Variants in ADAT1 observed in about 807,000 individuals in gnomAD.
The protein encoded by ADAT1 is tRNA-specific adenosine deaminase 1.
A neutral mutation model predicts 58.6 loss-of-function variants in ADAT1; 58 were observed. The observed-to-expected ratio is 0.99, with a 90% CI of 0.80 to 1.23. The LOEUF is 1.23. Among genes scored for constraint, ADAT1 ranks in the 50% most tolerant of loss-of-function variants. ADAT1 has a pLI of 0.00. For missense variants in ADAT1, 741 were observed against 608.6 expected (o/e 1.22, Z -2.29); for synonymous variants, 254 against 220.8 (o/e 1.15, Z -1.33).
chr16:75,618,962 A>AAAATGTCTCTAGACATTGCG (rs2081838962), intron 3 of ADAT1, among the ~76,000 whole-genome samples: 1 of 152,222 alleles, frequency 6.6e-6, no homozygotes. Flanking sequence ...GTGACAACTA[A>AAAATGTCTCTAGACATTGCG]AAATGTCTCT....
At chr16:75,601,200 C>T (rs1034399840) in intron 9 of ADAT1, among the ~76,000 whole-genome samples, 1 of 151,820 alleles carries the variant, frequency 6.6e-6, no homozygotes, top group Non-Finnish European at 1.5e-5. Flanking sequence ...ATTAGCCGGG[C>T]GTGGTGGCAG....
chr16:75,613,051 A>G (rs1406456961), intron 5 of ADAT1, among the ~76,000 whole-genome samples, 190 bp from the exon 6 acceptor site: 6 of 152,106 alleles, frequency 3.9e-5, no homozygotes, highest in Non-Finnish European at 8.8e-5. Context: ...ATTCTGATGC[A>G]AGCTCAAGTT....
In ADAT1 at chr16:75,612,974, A is replaced by G. The variant is rs1193374004; in HGVS notation, c.425-113T>C. On this transcript the variant is annotated intron_variant, in intron 5 of 9. Transcript: ENST00000564657. Reference sequence around the variant, plus strand: ...AATGCAAACTCTTGGGACCCACAGTAGACCTGCTGAATCAGAAACTCCGGA... The same window carrying G: ...AATGCAAACTCTTGGGACCCACAGTGGACCTGCTGAATCAGAAACTCCGGA... 3.8e-6 allele frequency: 5 copies of G among 1,314,264 alleles called. No homozygotes were observed. The East Asian group carries it at 1.2e-4, about 32-fold the overall frequency. 81.4% of individuals were successfully genotyped at this position (1,314,264 alleles called of 1,614,324 possible).
rs1321610496 is a variant in ADAT1, at chr16:75,618,508, C to G, written c.293+78G>C. The G allele has an allele frequency of 2.9e-5, 26 of 905,794 alleles. No homozygotes were observed. The East Asian group carries it at 3.7e-4, about 13-fold the overall frequency. 56.1% of individuals were successfully genotyped at this position (905,794 alleles called of 1,614,324 possible). A position where few individuals can be genotyped will look rare whatever the true frequency, so the allele number is the denominator to read the frequency against. Reference sequence around the variant, plus strand: ...GCAACAGAGCAAGACTCTGTCCCCCCCAAAAAAAAAAAAAAAAGTAAATTC... The same window carrying G: ...GCAACAGAGCAAGACTCTGTCCCCCGCAAAAAAAAAAAAAAAAGTAAATTC... On this transcript the variant is annotated intron_variant, in intron 4 of 9. Coordinates refer to ENST00000564657, the MANE Select transcript of ADAT1 (RefSeq NM_001324445.2).
chr16:75,608,362 T>C (rs546109706), intron 7 of ADAT1, 39 bp from the exon 8 acceptor site: 2 of 1,519,520 alleles, frequency 1.3e-6, no homozygotes, highest in East Asian at 4.5e-5. Flanking sequence ...AACTGCTCAA[T>C]TTCTTGTGAA....
chr16:75,601,053 T>C (rs2081216431), intron 9 of ADAT1, among the ~76,000 whole-genome samples: 1 of 152,102 alleles, frequency 6.6e-6, no homozygotes, highest in Non-Finnish European at 1.5e-5. Context: ...GTTTAAAAGT[T>C]TTCTAGGCCA....
chr16:75,606,953 C>A (rs1245426164), intron 8 of ADAT1, among the ~76,000 whole-genome samples: 1 of 152,186 alleles, frequency 6.6e-6, no homozygotes, highest in Non-Finnish European at 1.5e-5. Context: ...ATAGGCAGCA[C>A]ATGGTGGCTC....
intron 4 of ADAT1, among the ~76,000 whole-genome samples, chr16:75,617,787 T>G (rs1398423673): frequency 6.6e-6 from 1 of 151,790 alleles, no homozygotes; most frequent in Non-Finnish European, 1.5e-5. Flanking sequence ...ACAATCAAGT[T>G]TGAGTACCAC....
chr16:75,620,460 C>A (rs1272504099), intron 2 of ADAT1, 126 bp from the exon 3 acceptor site: 9 of 1,408,670 alleles, frequency 6.4e-6, no homozygotes, highest in African/African-American at 1.4e-5. Flanking sequence ...TCTGCGGTTC[C>A]AGCATGGCGG....
Position 75,600,470 on chromosome 16 carries a change from A to G in ADAT1, c.1377-122T>C, listed in dbSNP as rs2081197155. On this transcript the variant is annotated intron_variant, in intron 9 of 9. Coordinates refer to ENST00000564657, the MANE Select transcript of ADAT1 (RefSeq NM_001324445.2). ...TGAGACTTAGGTAGAGAAGGAGTTC[A>G]GTATGCTTTTGTGAAAGTTGATCAT... 8 of 1,448,950 alleles carry G rather than the reference A, an allele frequency of 5.5e-6. No individual in the cohort carries two copies. In the South Asian group the frequency reaches 7.1e-5, roughly 13 times the overall value. The allele number at this position is 1,448,950 out of a possible 1,614,324, so 89.8% of individuals were successfully genotyped here.
intron 3 of ADAT1, 146 bp from the exon 4 acceptor site, chr16:75,618,786 A>G (rs570047308): frequency 1.0e-5 from 9 of 873,572 alleles, no homozygotes; most frequent in Admixed American, 7.7e-5. Context: ...ACAATCATGA[A>G]TAACAATGCA....
In ADAT1 at chr16:75,598,518, A is replaced by AT. The variant is rs567204868; in HGVS notation, c.*1697dup. Among the ~76,000 whole-genome samples the AT allele has an allele frequency of 0.038, 5,270 of 139,198 alleles. 139 individuals are homozygous for AT. The highest frequency in any genetic ancestry group is 0.077 in the African/African-American group (2,907 of 37,984). 91.3% of individuals were successfully genotyped at this position (139,198 alleles called of 152,430 possible). On this transcript the variant is annotated 3_prime_UTR_variant, in exon 10 of 10. Coordinates refer to ENST00000564657, the MANE Select transcript of ADAT1 (RefSeq NM_001324445.2). ...ACAACTCTGTGGATATACTAAAAAA[A>AT]TTTTTTTTTTTTTTTTTTGAGACAG...
At chr16:75,617,674 G>A (rs1247554773) in intron 4 of ADAT1, among the ~76,000 whole-genome samples, 1 of 150,496 alleles carries the variant, frequency 6.6e-6, no homozygotes, top group Non-Finnish European at 1.5e-5. Flanking sequence ...AAAGAAAGAA[G>A]AAACCCAATT....
chr16:75,621,914 G>T (rs1432901703), intron 1 of ADAT1, among the ~76,000 whole-genome samples: 4 of 152,164 alleles, frequency 2.6e-5, no homozygotes, highest in Non-Finnish European at 5.9e-5. Flanking sequence ...ACTGAAGGCC[G>T]GGCGCGGTGG....
At chr16:75,605,181 C>G (rs1597096961) in intron 8 of ADAT1, among the ~76,000 whole-genome samples, 1 of 152,172 alleles carries the variant, frequency 6.6e-6, no homozygotes, top group Non-Finnish European at 1.5e-5. Context: ...ACCTCTGCCT[C>G]CTATGTTCAA....
rs200186570 is a variant in ADAT1, at chr16:75,600,334, T to C, written c.1391A>G (p.Asp464Gly). 4.3e-5 allele frequency: 69 copies of C among 1,613,700 alleles called. No homozygotes were observed. The highest frequency in any genetic ancestry group is 5.4e-5 in the Non-Finnish European group (64 of 1,180,026). ...WPHSLRVQKLDTYQEYKEAAS... is the reference protein window; with the variant it reads ...WPHSLRVQKLGTYQEYKEAAS... ...AGCCTCCTTGTACTCCTGGTAGGTATCCAGCTTCTGCACCCTAATGCACAC... is the reference window on the plus strand; with the variant it reads ...AGCCTCCTTGTACTCCTGGTAGGTACCCAGCTTCTGCACCCTAATGCACAC... The change falls in exon 10 of 10, where the codon GAT becomes GGT. Residue 464 changes from aspartate (D) to glycine (G), a missense_variant. Transcript: ENST00000564657.
Position 75,621,602 on chromosome 16 carries a change from G to C in ADAT1, c.-21-782C>G, listed in dbSNP as rs2081931872. 2.6e-5 allele frequency among the ~76,000 whole-genome samples: 4 copies of C among 152,108 alleles called. No individual in the cohort carries two copies. In the South Asian group the frequency reaches 8.3e-4, roughly 32 times the overall value. On this transcript the variant is annotated intron_variant, in intron 1 of 9. Transcript: ENST00000564657. ...TAAAAAGCAATTGCTACTATGTTGA[G>C]CATAATTAAGGTCAACTGTGATTAC...
intron 6 of ADAT1, among the ~76,000 whole-genome samples, chr16:75,611,076 T>C (rs1405803572): frequency 6.6e-6 from 1 of 152,180 alleles, no homozygotes; most frequent in African/African-American, 2.4e-5. Flanking sequence ...ATTGTACCAC[T>C]GCACTCCAGT....
Position 75,612,375 on chromosome 16 carries a change from G to A in ADAT1, c.911C>T (p.Ala304Val). Residue 304 changes from alanine (A) to valine (V), a missense_variant, in exon 6 of 10, where the codon GCC becomes GTC. Coordinates refer to ENST00000564657, the MANE Select transcript of ADAT1 (RefSeq NM_001324445.2). Reference sequence around the variant, plus strand: ...TTGGCATCCGAGGACGTTCCATCGGGCCATCTTGTCACTACAGGACATGGA... The same window carrying A: ...TTGGCATCCGAGGACGTTCCATCGGACCATCTTGTCACTACAGGACATGGA... ...TRSMSCSDKM[A>V]RWNVLGCQGA... 6.2e-7 allele frequency: 1 copy of A among 1,614,228 alleles called. No homozygotes were observed. The highest frequency in any genetic ancestry group is 8.5e-7 in the Non-Finnish European group (1 of 1,180,046).
Sources: gnomAD v4.1 joint callset for allele counts (sites outside exome capture counted in the v4.1 genomes callset) on GRCh38, gnomAD v4.1.1 for gene constraint, MANE v1.5 for transcripts, NCBI Gene and HGNC (gene_info 2026-07-23, HGNC 2026-07-21) for gene names.